Variants in WDR41 observed in about 807,000 individuals in gnomAD.
WDR41 encodes the protein WD repeat domain 41, also known as WD repeat-containing protein 41.
A neutral mutation model predicts 69.3 loss-of-function variants in WDR41; 63 were observed. The observed-to-expected ratio is 0.91, with a 90% confidence interval of 0.74 to 1.12. The LOEUF (loss-of-function observed/expected upper bound fraction) is 1.12. Among genes scored for constraint, WDR41 ranks in the 50% most tolerant of loss-of-function variants. WDR41 has a pLI of 0.00. For synonymous variants in WDR41, 185 were observed against 192.1 expected, an observed-to-expected ratio of 0.96 and a Z score of 0.31; for missense variants, 543 against 534.5, an observed-to-expected ratio of 1.02 and a Z score of -0.16.
In WDR41 at chr5:77,432,902, A is replaced by G; in HGVS notation, c.*233T>C. 1 of 423,018 alleles carries G rather than the reference A, an allele frequency of 2.4e-6. No homozygotes were observed. The highest frequency in any genetic ancestry group is 4.8e-5 in the South Asian group (1 of 20,676). The allele number at this position is 423,018 out of a possible 1,614,324, so 26.2% of individuals were successfully genotyped here. On this transcript the variant is annotated 3_prime_UTR_variant, in exon 13 of 13. Transcript: ENST00000296679. ...AAAACACAGCACTCACCACTTCAAC[A>G]GCAGCTCAAAGTCAAATGGAAAAAC...
intron 2 of WDR41, among the ~76,000 whole-genome samples, chr5:77,467,429 T>C (rs1800354644): frequency 6.6e-6 from 1 of 152,022 alleles, no homozygotes; most frequent in South Asian, 2.1e-4. Context: ...TTTAGAAATG[T>C]ACCGTATTTC....
At chr5:77,534,457 A>AC (rs1342389841) in intron 1 of WDR41, among the ~76,000 whole-genome samples, 2 of 152,048 alleles carry the variant, frequency 1.3e-5, no homozygotes, top group Non-Finnish European at 2.9e-5. Flanking sequence ...TCTTTTTGAG[A>AC]CAGAGTCTCA....
intron 1 of WDR41, among the ~76,000 whole-genome samples, chr5:77,595,534 G>A (rs4590167): frequency 0.26 from 39,305 of 151,956 alleles, 5,709 homozygotes; most frequent in African/African-American, 0.4. Context: ...GATTTACTTT[G>A]TTTATTGGCA....
chr5:77,481,253 C>G (rs770439523), intron 2 of WDR41, among the ~76,000 whole-genome samples: 10 of 152,036 alleles, frequency 6.6e-5, no homozygotes, highest in African/African-American at 1.2e-4. Flanking sequence ...TGTGATCCAC[C>G]CGCCTTGGCC....
chr5:77,570,146 A>T (rs1230469810), intron 1 of WDR41, among the ~76,000 whole-genome samples: 1 of 152,070 alleles, frequency 6.6e-6, no homozygotes, highest in Non-Finnish European at 1.5e-5. Context: ...CAACACAGCT[A>T]TTTGATATTT....
At chr5:77,448,374 C>A (rs1029879564) in intron 8 of WDR41, among the ~76,000 whole-genome samples, 10 of 152,154 alleles carry the variant, frequency 6.6e-5, no homozygotes, top group Admixed American at 1.3e-4. Context: ...TTTCTATCAA[C>A]ACAGACAATC....
rs908758732 is a variant in WDR41, at chr5:77,464,959, C to T, written c.168-150G>A. 1.8e-5 allele frequency: 14 copies of T among 763,170 alleles called. No individual in the cohort carries two copies. In the South Asian group the frequency reaches 2.7e-4, roughly 15 times the overall value. 47.3% of individuals were successfully genotyped at this position (763,170 alleles called of 1,614,324 possible). On this transcript the variant is annotated intron_variant, in intron 2 of 12. Transcript: ENST00000296679. ...TAATTTAAAAAATATTTATGAAACACATTCCAGCTTCTGTACCAGGTATGG... is the reference window on the plus strand; with the variant it reads ...TAATTTAAAAAATATTTATGAAACATATTCCAGCTTCTGTACCAGGTATGG...
At chr5:77,593,300 G>T (rs537421656) in intron 1 of WDR41, among the ~76,000 whole-genome samples, 88 of 152,148 alleles carry the variant, frequency 5.8e-4, no homozygotes, top group Non-Finnish European at 4.7e-4. Flanking sequence ...AGTGACAGAG[G>T]CAGAGACAGA....
chr5:77,468,109 A>C (rs1800386472), intron 2 of WDR41, among the ~76,000 whole-genome samples: 3 of 152,158 alleles, frequency 2.0e-5, no homozygotes, highest in Admixed American at 6.6e-5. Flanking sequence ...ATGAAAAACA[A>C]GTTCAACAAG....
intron 1 of WDR41, chr5:77,583,114 A>G: frequency 6.7e-7 from 1 of 1,496,290 alleles, no homozygotes. Flanking sequence ...TACTAGAAGA[A>G]TGAACTAAGG....
At chr5:77,554,552 G>A (rs1021496979) in intron 1 of WDR41, among the ~76,000 whole-genome samples, 14 of 151,720 alleles carry the variant, frequency 9.2e-5, no homozygotes, top group African/African-American at 3.4e-4. Flanking sequence ...CTGATGTATT[G>A]ATCTCGGACT....
At chr5:77,553,080 C>G (rs1040264312) in intron 1 of WDR41, among the ~76,000 whole-genome samples, 36 of 152,194 alleles carry the variant, frequency 2.4e-4, no homozygotes, top group African/African-American at 8.7e-4. Context: ...CTGTGAAAGC[C>G]ATATAAAGAG....
Position 77,476,980 on chromosome 5 carries a change from T to C in WDR41, c.168-12171A>G, listed in dbSNP as rs575195857. ...CTCAAAATAAAAAGATGGAGGAAGATCTACCAAGCAAATGGAAAACAAAAA... is the reference window on the plus strand; with the variant it reads ...CTCAAAATAAAAAGATGGAGGAAGACCTACCAAGCAAATGGAAAACAAAAA... On this transcript the variant is annotated intron_variant, in intron 2 of 12. Transcript: ENST00000296679. Among the ~76,000 whole-genome samples, 3 of 147,668 alleles carry C rather than the reference T, an allele frequency of 2.0e-5. No homozygotes were observed. The East Asian group carries it at 5.9e-4, about 29-fold the overall frequency.
Position 77,449,747 on chromosome 5 carries a change from A to G in WDR41, c.697+13T>C. 6.4e-7 allele frequency: 1 copy of G among 1,561,902 alleles called. No homozygotes were observed. Among genetic ancestry groups the G allele is most frequent in the South Asian group, 1.1e-5 (1 of 89,658 alleles). The stretch of plus-strand genomic sequence containing the variant: ...ACAAAACTGTACATAATAAATGTAC[A>G]CAATGAGCTTACCATTGACATTAAT... On this transcript the variant is annotated intron_variant, in intron 8 of 12. Transcript: ENST00000296679.
intron 1 of WDR41, among the ~76,000 whole-genome samples, chr5:77,558,639 G>T (rs1030943302): frequency 6.6e-6 from 1 of 152,146 alleles, no homozygotes; most frequent in Non-Finnish European, 1.5e-5. Flanking sequence ...TAAGTCTTCT[G>T]CATAGAGAAA....
chr5:77,618,861 A>C (rs1005566083), intron 1 of WDR41, among the ~76,000 whole-genome samples: 3 of 152,222 alleles, frequency 2.0e-5, no homozygotes, highest in African/African-American at 7.2e-5. Flanking sequence ...GGATGGTTTC[A>C]GTGTGATATA....
chr5:77,467,846 A>C (rs1182812046), intron 2 of WDR41, among the ~76,000 whole-genome samples: 1 of 152,016 alleles, frequency 6.6e-6, no homozygotes, highest in Non-Finnish European at 1.5e-5. Context: ...TAGAAACTTA[A>C]AAATTTAAAA....
rs1184204039 is a variant in WDR41 at position 77,509,685 on chromosome 5, T to G, written c.43-20113A>C. Among the ~76,000 whole-genome samples, 3 of 152,040 alleles carry G rather than the reference T, an allele frequency of 2.0e-5. 1 individual carries two copies. Among genetic ancestry groups the G allele is most frequent in the Non-Finnish European group, 4.4e-5 (3 of 68,006 alleles). On this transcript the variant is annotated intron_variant, in intron 1 of 5. Transcript: ENST00000509971. ...GAGTGGATTAGTGGTTGCTTACGGGTGGGGAAAATGGTAACAGGGCAATGG... is the reference window on the plus strand; with the variant it reads ...GAGTGGATTAGTGGTTGCTTACGGGGGGGGAAAATGGTAACAGGGCAATGG...
At chr5:77,601,322 G>A (rs1483048364) in intron 1 of WDR41, among the ~76,000 whole-genome samples, 1 of 151,978 alleles carries the variant, frequency 6.6e-6, no homozygotes, top group Non-Finnish European at 1.5e-5. Context: ...GAACTAAAGT[G>A]GGCCTGAAAG....
Sources: allele counts gnomAD v4.1 joint callset (sites outside exome capture counted in the v4.1 genomes callset), GRCh38; gene constraint gnomAD v4.1.1; transcripts MANE v1.5; gene names NCBI Gene and HGNC (gene_info 2026-07-23, HGNC 2026-07-21).